The following CHCHD5 variants were observed in gnomAD, a reference collection of about 807,000 sequenced individuals.
CHCHD5 encodes coiled-coil-helix-coiled-coil-helix domain containing 5, also known as coiled-coil-helix-coiled-coil-helix domain-containing protein 5.
A neutral mutation model predicts 16.0 loss-of-function variants in CHCHD5; 10 were observed. The observed-to-expected ratio is 0.63, with a 90% CI of 0.39 to 1.06. The LOEUF (loss-of-function observed/expected upper bound fraction) is 1.06. Ranked by LOEUF, CHCHD5 falls within the 50% of genes least tolerant of loss-of-function variation. The pLI, the probability that CHCHD5 is intolerant of heterozygous loss-of-function variation, is 0.01. For synonymous variants in CHCHD5, 55 were observed against 56.3 expected, an observed-to-expected ratio of 0.98 and a Z score of 0.10; for missense variants, 163 against 153.4, an observed-to-expected ratio of 1.06 and a Z score of -0.33.
Position 112,586,067 on chromosome 2 carries a change from G to A in CHCHD5, c.96G>A (p.Arg32=), listed in dbSNP as rs921232149. 8 of 1,614,090 alleles carry A rather than the reference G, an allele frequency of 5.0e-6. No homozygotes were observed. In the Admixed American group the frequency reaches 8.3e-5, roughly 17 times the overall value. ...CGGCCAAGCCGGAATCCTGGCAGCG[G>A]GACTGTCACTACCTTAAGATGAGCA... ...CVAAKPESWQ[R]DCHYLKMSIA... Residue 32 remains arginine, a synonymous_variant, in exon 2 of 4, where the codon CGG becomes CGA. Transcript: ENST00000324913.
intron 1 of CHCHD5, among the ~76,000 whole-genome samples, chr2:112,585,580 A>C (rs1301954262): frequency 6.6e-6 from 1 of 152,166 alleles, no homozygotes; most frequent in East Asian, 1.9e-4. Context: ...CTGAACTCCT[A>C]GTCCTACTTC....
At chr2:112,588,541 C>T in intron 3 of CHCHD5, 2 of 382,298 alleles carry the variant, frequency 5.2e-6, no homozygotes, top group East Asian at 5.7e-5. Flanking sequence ...CACCTCTGCT[C>T]TTTACCCTGA....
intron 3 of CHCHD5, chr2:112,586,799 CTCT>C (rs1685240625): frequency 5.7e-6 from 3 of 523,220 alleles, no homozygotes; most frequent in Non-Finnish European, 9.9e-6. Context: ...CTCACCCTCT[CTCT>C]TCTTTCTCAC....
chr2:112,588,810 TCC>T, intron 3 of CHCHD5, 54 bp from the exon 4 acceptor site: 1 of 1,442,220 alleles, frequency 6.9e-7, no homozygotes, highest in Non-Finnish European at 9.8e-7. Flanking sequence ...CTACATAGGC[TCC>T]CCAGGCTGGG....
intron 3 of CHCHD5, chr2:112,588,140 A>G (rs1439023514): frequency 6.6e-6 from 1 of 152,166 alleles, no homozygotes; most frequent in Admixed American, 6.6e-5. Context: ...AAATACAAAT[A>G]TTAGCCAGGT....
intron 1 of CHCHD5, 96 bp downstream of exon 1, chr2:112,584,745 G>A: frequency 7.0e-7 from 1 of 1,435,916 alleles, no homozygotes; most frequent in Non-Finnish European, 9.7e-7. Context: ...ACTAGGACCA[G>A]CCTCCCTCCT....
chr2:112,589,024 A>G lies in CHCHD5; in HGVS notation c.*135A>G. ...GGATATCAGGACTTCCAATAAATAA[A>G]GACTCTGTATACTGGGCTTTGATTC... On this transcript the variant is annotated 3_prime_UTR_variant, in exon 4 of 4. Transcript: ENST00000324913. The G allele has an allele frequency of 1.5e-6, 1 of 678,508 alleles. No homozygotes were observed. The highest frequency in any genetic ancestry group is 2.6e-6 in the Non-Finnish European group (1 of 379,332). The allele number at this position is 678,508 out of a possible 1,614,324, so 42.0% of individuals were successfully genotyped here. A position where few individuals can be genotyped will look rare whatever the true frequency, so the allele number is the denominator to read the frequency against.
upstream of CHCHD5, chr2:112,584,531 G>A (rs2104599221): frequency 7.7e-7 from 1 of 1,293,982 alleles, no homozygotes; most frequent in East Asian, 2.3e-5. Flanking sequence ...GAACGGGGTT[G>A]TTAGTTCAAT....
intron 3 of CHCHD5, 186 bp from the exon 4 acceptor site, chr2:112,588,680 C>G (rs146324581): frequency 5.3e-6 from 3 of 568,558 alleles, no homozygotes; most frequent in African/African-American, 3.8e-5. Flanking sequence ...ATGGCGCGTT[C>G]CCTGCCTCCC....
chr2:112,586,142 TGGGGGGTG>T, intron 2 of CHCHD5, 28 bp downstream of exon 2: 1 of 1,401,898 alleles, frequency 7.1e-7, no homozygotes, highest in Non-Finnish European at 9.9e-7. Context: ...TGAGACAGTG[TGGGGGGTG>T]GGCAGTGGGG....
chr2:112,584,466 C>A, upstream of CHCHD5: 1 of 692,192 alleles, frequency 1.4e-6, no homozygotes, highest in Non-Finnish European at 2.5e-6. Flanking sequence ...GCCGCCATGA[C>A]GAGCCGGGCC....
At chr2:112,587,529 T>A (rs985646736) in intron 3 of CHCHD5, 1 of 152,130 alleles carries the variant, frequency 6.6e-6, no homozygotes, top group Non-Finnish European at 1.5e-5. Context: ...TCAGAAAACC[T>A]CCCTGATGTC....
chr2:112,588,279 G>C (rs1362192027), intron 3 of CHCHD5: 1 of 147,464 alleles, frequency 6.8e-6, no homozygotes, highest in Non-Finnish European at 1.5e-5. Flanking sequence ...GATAGAGCGA[G>C]ACTCTGTCTT....
In CHCHD5 at chr2:112,586,265, G is replaced by A. The variant is rs554568362; in HGVS notation, c.209G>A (p.Arg70Gln). Residue 70 changes from arginine (R) to glutamine (Q), a missense_variant, in exon 3 of 4, where the codon CGA (arginine) becomes CAA (glutamine). Arg to Gln is a conservative substitution (Grantham distance 43). Transcript: ENST00000324913. ...QPFEAFEECL[R>Q]QNEAAVGNCA... Reference sequence around the variant, plus strand: ...TTTGAGGCCTTCGAGGAGTGTCTTCGACAGAACGAGGCAGCTGTGGGCAAC... The same window carrying A: ...TTTGAGGCCTTCGAGGAGTGTCTTCAACAGAACGAGGCAGCTGTGGGCAAC... 11 of 1,614,204 alleles carry A rather than the reference G, an allele frequency of 6.8e-6. No homozygotes were observed. The highest frequency in any genetic ancestry group is 5.0e-5 in the Admixed American group (3 of 60,032).
At chr2:112,584,506 G>A, upstream of CHCHD5, 1 of 1,043,542 alleles carries the variant, frequency 9.6e-7, no homozygotes, top group Non-Finnish European at 1.5e-6. Context: ...CGCCGTGACA[G>A]ATTAGTCCTA....
chr2:112,584,518 A>T (rs751977664), upstream of CHCHD5: 1 of 1,192,078 alleles, frequency 8.4e-7, no homozygotes, highest in East Asian at 2.4e-5. Flanking sequence ...TTAGTCCTAA[A>T]GGGAACGGGG....
chr2:112,585,413 G>A (rs937227450), intron 1 of CHCHD5, among the ~76,000 whole-genome samples: 4 of 152,152 alleles, frequency 2.6e-5, no homozygotes, highest in African/African-American at 9.7e-5. Context: ...CTGTCTTCTA[G>A]GACCCTGAAG....
intron 3 of CHCHD5, chr2:112,588,640 A>G: frequency 1.8e-6 from 1 of 541,500 alleles, no homozygotes; most frequent in East Asian, 3.2e-5. Context: ...CCTGCTGGGT[A>G]CACGGCAGGT....
rs777153352 is a variant in CHCHD5 at position 112,586,478 on chromosome 2, C to G, written c.309+113C>G. On this transcript the variant is annotated intron_variant, in intron 3 of 3. Transcript: ENST00000324913. ...TCCTCAGCCCCACCCCATCACCACA[C>G]AGGCCTTTGCCATGCATCCAGAATC... is the stretch of plus-strand genomic sequence containing the variant. 32 of 1,562,330 alleles carry G rather than the reference C, an allele frequency of 2.0e-5. 2 individuals are homozygous for G. In the East Asian group the frequency reaches 5.8e-4, roughly 28 times the overall value.
Sources: gnomAD v4.1 joint callset for allele counts (sites outside exome capture counted in the v4.1 genomes callset) on GRCh38, gnomAD v4.1.1 for gene constraint, MANE v1.5 for transcripts, NCBI Gene and HGNC (gene_info 2026-07-23, HGNC 2026-07-21) for gene names.